The following UBR2 variants were observed in gnomAD, a reference collection of about 807,000 sequenced individuals.
UBR2 encodes the protein ubiquitin protein ligase E3 component n-recognin 2.
A neutral mutation model predicts 247.9 loss-of-function variants in UBR2; 92 were observed. The observed-to-expected ratio is 0.37, with a 90% confidence interval of 0.31 to 0.44. The LOEUF (loss-of-function observed/expected upper bound fraction) is 0.44. Ranked by LOEUF, UBR2 falls within the 20% of genes least tolerant of loss-of-function variation. The pLI is 1.00. For synonymous variants in UBR2, 672 were observed against 693.5 expected, an observed-to-expected ratio of 0.97 and a Z score of 0.49; for missense variants, 1,613 against 2,112.6, an observed-to-expected ratio of 0.76 and a Z score of 4.64.
chr6:42,632,469 TA>T, intron 11 of UBR2, 82 bp from the exon 12 acceptor site: 2 of 1,274,152 alleles, frequency 1.6e-6, no homozygotes, highest in Non-Finnish European at 1.0e-6. Flanking sequence ...CTGAAGGAGC[TA>T]AACAATGTTG....
chr6:42,656,295 G>A (rs984632286), intron 26 of UBR2, among the ~76,000 whole-genome samples: 1 of 151,590 alleles, frequency 6.6e-6, no homozygotes, highest in Non-Finnish European at 1.5e-5. Flanking sequence ...AATTTTGAAT[G>A]TTTTTTGTTT....
intron 23 of UBR2, 101 bp downstream of exon 23, chr6:42,650,487 C>G: frequency 1.1e-6 from 1 of 940,938 alleles, no homozygotes. Flanking sequence ...GGTGGCTATT[C>G]ACAATGCCAT....
intron 8 of UBR2, among the ~76,000 whole-genome samples, chr6:42,614,436 G>A (rs374754239): frequency 3.3e-4 from 37 of 112,342 alleles, no homozygotes; most frequent in African/African-American, 4.8e-4. Flanking sequence ...ATATATGTAT[G>A]TACGTACATA....
At chr6:42,661,922 A>G (rs1562374671) in intron 30 of UBR2, among the ~76,000 whole-genome samples, 1 of 152,236 alleles carries the variant, frequency 6.6e-6, no homozygotes, top group African/African-American at 2.4e-5. Flanking sequence ...AAAAGATTGG[A>G]TATATTTAAA....
chr6:42,624,552 AGGAG>A (rs1795213546), intron 11 of UBR2, among the ~76,000 whole-genome samples: 1 of 152,220 alleles, frequency 6.6e-6, no homozygotes, highest in Non-Finnish European at 1.5e-5. Context: ...TTAAATTGAC[AGGAG>A]GCTGGCCACA....
Position 42,637,076 on chromosome 6 carries a change from T to C in UBR2, c.1740T>C (p.Tyr580=). The C allele has an allele frequency of 6.2e-7, 1 of 1,614,188 alleles. No homozygotes were observed. Among genetic ancestry groups the C allele is most frequent in the Non-Finnish European group, 8.5e-7 (1 of 1,180,024 alleles). ...LAVLMQCHGG[Y]TDGEQPITLS... Reference sequence around the variant, plus strand: ...TACTGATGCAGTGTCATGGTGGTTATACTGATGGTGAACAGCCAATCACAC... The same window carrying C: ...TACTGATGCAGTGTCATGGTGGTTACACTGATGGTGAACAGCCAATCACAC... Residue 580 remains tyrosine (Y), a synonymous_variant, in exon 15 of 47, where the codon TAT becomes TAC. Coordinates refer to ENST00000372901, the MANE Select transcript of UBR2 (RefSeq NM_001363705.2).
intron 2 of UBR2, among the ~76,000 whole-genome samples, chr6:42,582,878 G>A (rs899985465): frequency 6.6e-6 from 1 of 151,402 alleles, no homozygotes; most frequent in Non-Finnish European, 1.5e-5. Context: ...AAAAAAGTCA[G>A]TGCGTTTTGG....
rs1254954997 is a variant in UBR2 at position 42,658,867 on chromosome 6, T to TC, written c.3242+46dup. 3.3e-6 allele frequency: 5 copies of TC among 1,496,244 alleles called. No homozygotes were observed. The South Asian group carries it at 6.9e-5, about 21-fold the overall frequency. The allele number at this position is 1,496,244 out of a possible 1,614,324, so 92.7% of individuals were successfully genotyped here. ...AAAAATTAATGTCTTGACGAGTTTT[T>TC]CCCAACTAGGGGCAGTGTTGCGTTT... On this transcript the variant is annotated intron_variant, in intron 29 of 46. Coordinates refer to ENST00000372901, the MANE Select transcript of UBR2 (RefSeq NM_001363705.2).
intron 17 of UBR2, among the ~76,000 whole-genome samples, 169 bp downstream of exon 17, chr6:42,641,861 CAAG>C (rs1230898403): frequency 1.3e-5 from 2 of 151,916 alleles, no homozygotes; most frequent in African/African-American, 2.4e-5. Flanking sequence ...CATAGTTTGT[CAAG>C]AAATAATGGA....
intron 2 of UBR2, among the ~76,000 whole-genome samples, chr6:42,579,608 C>T (rs1321601571): frequency 6.6e-6 from 1 of 152,142 alleles, no homozygotes; most frequent in Non-Finnish European, 1.5e-5. Context: ...CTGCAGCCTC[C>T]AACTCCTGGG....
At chr6:42,581,058 G>T (rs1791862140) in intron 2 of UBR2, among the ~76,000 whole-genome samples, 1 of 133,792 alleles carries the variant, frequency 7.5e-6, no homozygotes, top group South Asian at 2.3e-4. Flanking sequence ...CTATTGACCA[G>T]GCTGGAGTGC....
chr6:42,615,171 A>G lies in UBR2; in HGVS notation c.1086A>G (p.Leu362=), dbSNP rs1794460314. ...GACTGATGCTTAGTGATTCCAAATT[A>G]TGGAAAGGTGAATCTCTTAACTACT... ...VDRLMLSDSK[L]WKGARSVYHQ... The change falls in exon 9 of 47, where the codon TTA becomes TTG. Residue 362 remains leucine, a synonymous_variant. Coordinates refer to ENST00000372901, the MANE Select transcript of UBR2 (RefSeq NM_001363705.2). 1.2e-6 allele frequency: 2 copies of G among 1,610,162 alleles called. No homozygotes were observed. The highest frequency in any genetic ancestry group is 1.7e-6 in the Non-Finnish European group (2 of 1,178,176).
At chr6:42,641,721 T>C in intron 17 of UBR2, 29 bp downstream of exon 17, 1 of 1,566,644 alleles carries the variant, frequency 6.4e-7, no homozygotes, top group Non-Finnish European at 8.7e-7. Flanking sequence ...TATGAAGAGT[T>C]TTCATTCCAT....
At chr6:42,660,623 T>C (rs2151974688) in intron 30 of UBR2, among the ~76,000 whole-genome samples, 1 of 152,206 alleles carries the variant, frequency 6.6e-6, no homozygotes. Context: ...GTAAAGAAAG[T>C]CTTTGCATCC....
intron 1 of UBR2, among the ~76,000 whole-genome samples, chr6:42,573,254 G>C (rs960233399): frequency 1.6e-4 from 24 of 152,132 alleles, no homozygotes; most frequent in East Asian, 3.9e-4. Flanking sequence ...ATATAAACTT[G>C]CTTATCAATC....
chr6:42,652,360 G>T, intron 24 of UBR2, 131 bp from the exon 25 acceptor site: 1 of 1,129,644 alleles, frequency 8.9e-7, no homozygotes, highest in Non-Finnish European at 1.2e-6. Flanking sequence ...TTGACCTTGA[G>T]AATGTAAAAT....
chr6:42,597,102 G>C (rs536358652), intron 4 of UBR2, among the ~76,000 whole-genome samples: 1 of 152,188 alleles, frequency 6.6e-6, no homozygotes, highest in African/African-American at 2.4e-5. Flanking sequence ...GCCTACATTT[G>C]CTCTGTTGGC....
intron 11 of UBR2, among the ~76,000 whole-genome samples, chr6:42,630,261 T>C (rs939591940): frequency 1.3e-5 from 2 of 151,670 alleles, no homozygotes; most frequent in Admixed American, 6.6e-5. Context: ...CTCGGTTCAC[T>C]GCAACCTCTG....
chr6:42,679,667 C>T (rs1018446244), intron 41 of UBR2, 57 bp from the exon 42 acceptor site: 2 of 1,269,480 alleles, frequency 1.6e-6, no homozygotes, highest in Non-Finnish European at 2.3e-6. Context: ...GCTTAACTCT[C>T]ATGCAGAATA....
Sources: allele counts gnomAD v4.1 joint callset (sites outside exome capture counted in the v4.1 genomes callset), GRCh38; gene constraint gnomAD v4.1.1; transcripts MANE v1.5; gene names NCBI Gene and HGNC (gene_info 2026-07-23, HGNC 2026-07-21).